The following KALRN variants were observed in gnomAD, a reference collection of about 807,000 sequenced individuals.
The protein encoded by KALRN is kalirin.
A neutral mutation model predicts 353.7 loss-of-function variants in KALRN; 70 were observed. That is an observed-to-expected ratio of 0.20 (90% confidence interval 0.16 to 0.24). KALRN has a LOEUF of 0.24. Ranked by LOEUF, KALRN falls within the 10% of genes least tolerant of loss-of-function variation. KALRN has a pLI of 1.00. For synonymous variants in KALRN, 1,391 were observed against 1,434.8 expected, an observed-to-expected ratio of 0.97 and a Z score of 0.69; for missense variants, 2,791 against 3,756.7, an observed-to-expected ratio of 0.74 and a Z score of 6.72.
At chr3:124,688,438 T>TA (rs2061662742) in intron 51 of KALRN, among the ~76,000 whole-genome samples, 1 of 151,792 alleles carries the variant, frequency 6.6e-6, no homozygotes, top group Non-Finnish European at 1.5e-5. Flanking sequence ...CCTAAATTCT[T>TA]AAAAATTGTT....
At chr3:124,136,531 A>G (rs1047781408) in intron 1 of KALRN, among the ~76,000 whole-genome samples, 1 of 152,106 alleles carries the variant, frequency 6.6e-6, no homozygotes, top group African/African-American at 2.4e-5. Context: ...ATACTGGCCT[A>G]CCAGGTAGCA....
At chr3:124,424,107 C>A (rs1250274426) in intron 15 of KALRN, among the ~76,000 whole-genome samples, 2 of 152,090 alleles carry the variant, frequency 1.3e-5, no homozygotes, top group African/African-American at 2.4e-5. Flanking sequence ...GGTCAGCAGA[C>A]CATGGTCACC....
chr3:124,268,171 G>A (rs932293688), intron 4 of KALRN, among the ~76,000 whole-genome samples: 4 of 152,202 alleles, frequency 2.6e-5, no homozygotes, highest in African/African-American at 9.6e-5. Context: ...AGCTTGTAGG[G>A]GCCTCACAGA....
chr3:124,660,370 C>A (rs2084686023), intron 43 of KALRN, among the ~76,000 whole-genome samples: 1 of 152,160 alleles, frequency 6.6e-6, no homozygotes, highest in African/African-American at 2.4e-5. Flanking sequence ...CCCTCTCACT[C>A]TTCCTTCTCC....
chr3:124,202,444 G>A (rs935255852), intron 1 of KALRN, among the ~76,000 whole-genome samples: 2 of 152,096 alleles, frequency 1.3e-5, no homozygotes, highest in Admixed American at 1.3e-4. Flanking sequence ...AGAAATGGGT[G>A]TTTCACCACA....
chr3:124,616,813 A>C (rs187414646), intron 34 of KALRN, among the ~76,000 whole-genome samples: 6 of 152,080 alleles, frequency 3.9e-5, no homozygotes, highest in African/African-American at 1.4e-4. Flanking sequence ...AAAATACAAA[A>C]AATTAGCCGG....
intron 10 of KALRN, among the ~76,000 whole-genome samples, chr3:124,372,330 C>T (rs1311138125): frequency 2.0e-5 from 3 of 152,086 alleles, no homozygotes; most frequent in African/African-American, 7.2e-5. Flanking sequence ...ATCTCTATCA[C>T]TGAGACATAA....
intron 1 of KALRN, among the ~76,000 whole-genome samples, chr3:124,190,280 G>A (rs2074756432): frequency 6.6e-6 from 1 of 152,126 alleles, no homozygotes. Flanking sequence ...CTGCTCCCCT[G>A]AACCCTTCTA....
intron 33 of KALRN, among the ~76,000 whole-genome samples, chr3:124,551,147 C>A (rs1309423461): frequency 6.6e-6 from 1 of 152,128 alleles, no homozygotes; most frequent in African/African-American, 2.4e-5. Flanking sequence ...GGCATGATGT[C>A]ATGAACCAGA....
chr3:124,069,360 AGGAGG>A lies in KALRN; in HGVS notation c.73+35548_73+35552del, dbSNP rs1559899979. On this transcript the variant is annotated intron_variant, in intron 1 of 59. Transcript: ENST00000682506. Reference sequence around the variant, plus strand: ...GAGGAGGAGGAGGAGGAGGAGGAGGAGGAGGAGGAGGAAATACTGAGGGAACCTGG... The same window carrying A: ...GAGGAGGAGGAGGAGGAGGAGGAGGAAGGAGGAAATACTGAGGGAACCTGG... 2.6e-3 allele frequency among the ~76,000 whole-genome samples: 92 copies of A among 35,588 alleles called. 5 individuals carry two copies. The highest frequency in any genetic ancestry group is 0.022 in the East Asian group (30 of 1,368). 23.3% of individuals were successfully genotyped at this position (35,588 alleles called of 152,430 possible).
intron 1 of KALRN, among the ~76,000 whole-genome samples, chr3:124,103,910 C>G (rs2062072570): frequency 6.6e-6 from 1 of 152,028 alleles, no homozygotes; most frequent in Non-Finnish European, 1.5e-5. Flanking sequence ...GAGCTGAGAT[C>G]ACGCTACTGC....
chr3:124,055,973 A>G (rs2041500559), intron 1 of KALRN, among the ~76,000 whole-genome samples: 1 of 152,022 alleles, frequency 6.6e-6, no homozygotes, highest in Admixed American at 6.5e-5. Flanking sequence ...GGAGTTTTCC[A>G]TTTCTGGGCT....
At chr3:124,718,773 G>A (rs1288176806) in intron 59 of KALRN, 152 bp from the exon 60 acceptor site, 2 of 661,790 alleles carry the variant, frequency 3.0e-6, no homozygotes, top group Non-Finnish European at 5.1e-6. Flanking sequence ...AGTATCCTAT[G>A]CAGTTTCCGT....
intron 10 of KALRN, among the ~76,000 whole-genome samples, chr3:124,362,977 T>C (rs530310441): frequency 6.6e-6 from 1 of 152,322 alleles, no homozygotes; most frequent in African/African-American, 2.4e-5. Context: ...GATGAAACTT[T>C]GCAAGTTTAT....
Position 124,632,640 on chromosome 3 carries a change from C to T in KALRN, c.5403C>T (p.Ser1801=). 1 of 1,614,178 alleles carries T rather than the reference C, an allele frequency of 6.2e-7. No homozygotes were observed. Among genetic ancestry groups the T allele is most frequent in the South Asian group, 1.1e-5 (1 of 91,078 alleles). ...AGAAAGTTCGCGATGGTCGGAAGAG[C>T]TTTGACCTGGGATCTCCCAAGCCTG... The part of the protein sequence containing the change: ...KQKKVRDGRK[S]FDLGSPKPGD... The change falls in exon 35 of 60, where the codon AGC becomes AGT. Residue 1801 remains serine, a synonymous_variant. Coordinates refer to ENST00000682506, the MANE Select transcript of KALRN (RefSeq NM_001388419.1).
chr3:124,643,259 T>C (rs2082308658), intron 37 of KALRN, among the ~76,000 whole-genome samples: 1 of 152,148 alleles, frequency 6.6e-6, no homozygotes, highest in Non-Finnish European at 1.5e-5. Flanking sequence ...GCAATTCTCC[T>C]GCAATGGCCT....
chr3:124,109,802 A>G (rs2062700766), intron 1 of KALRN, among the ~76,000 whole-genome samples: 1 of 23,292 alleles, frequency 4.3e-5, no homozygotes, highest in Non-Finnish European at 8.2e-5. Context: ...TGATATATAT[A>G]TGACATATAT....
chr3:124,354,832 T>C (rs1376850699), intron 10 of KALRN, among the ~76,000 whole-genome samples: 2 of 152,194 alleles, frequency 1.3e-5, no homozygotes, highest in African/African-American at 4.8e-5. Context: ...AGTGACAGTG[T>C]ATCAGGATGC....
intron 10 of KALRN, among the ~76,000 whole-genome samples, chr3:124,367,633 T>G (rs1414920464): frequency 3.0e-4 from 4 of 13,482 alleles, no homozygotes; most frequent in Non-Finnish European, 5.8e-4. Context: ...CTGGCCGGGT[T>G]GGGGGGCTGA....
Sources: allele counts gnomAD v4.1 joint callset (sites outside exome capture counted in the v4.1 genomes callset), GRCh38; gene constraint gnomAD v4.1.1; transcripts MANE v1.5; gene names NCBI Gene and HGNC (gene_info 2026-07-23, HGNC 2026-07-21).